The following VPS13B variants were observed in gnomAD, a reference collection of about 807,000 sequenced individuals.
VPS13B encodes the protein vacuolar protein sorting 13 homolog B.
Under a neutral mutation model 426.4 loss-of-function variants are expected in VPS13B, and 285 were observed. The observed-to-expected ratio is 0.67, with a 90% CI of 0.61 to 0.74. The LOEUF (loss-of-function observed/expected upper bound fraction) is 0.74. VPS13B is among the 30% of genes least tolerant of loss of function. The pLI, the probability that VPS13B is intolerant of heterozygous loss-of-function variation, is 0.00. For missense variants in VPS13B, 4,537 were observed against 4,782.6 expected, an observed-to-expected ratio of 0.95 and a Z score of 1.51; for synonymous variants, 1,676 against 1,676.4, an observed-to-expected ratio of 1.00 and a Z score of 0.01.
chr8:99,389,581 A>G (rs994178553), intron 20 of VPS13B: 1 of 152,310 alleles, frequency 6.6e-6, no homozygotes, highest in Admixed American at 6.5e-5. Flanking sequence ...TATTAAGAAA[A>G]CCATAAGGAA....
chr8:99,179,577 C>T (rs1261345059), intron 16 of VPS13B, among the ~76,000 whole-genome samples: 1 of 152,216 alleles, frequency 6.6e-6, no homozygotes, highest in East Asian at 1.9e-4. Context: ...CTTTTTCTGA[C>T]CTGGTCACTT....
chr8:99,695,721 C>A (rs1588631505), intron 35 of VPS13B, among the ~76,000 whole-genome samples: 4 of 144,420 alleles, frequency 2.8e-5, no homozygotes, highest in African/African-American at 7.7e-5. Flanking sequence ...AACTCCATAC[C>A]AAGAAAAAAA....
At chr8:99,839,578 T>G (rs982863634) in intron 54 of VPS13B, among the ~76,000 whole-genome samples, 1 of 152,232 alleles carries the variant, frequency 6.6e-6, no homozygotes, top group Non-Finnish European at 1.5e-5. Context: ...GACTTGCAAC[T>G]AAGCAGGAGC....
At chr8:99,632,382 T>G (rs1238089902) in intron 33 of VPS13B, among the ~76,000 whole-genome samples, 2 of 151,990 alleles carry the variant, frequency 1.3e-5, no homozygotes, top group Non-Finnish European at 2.9e-5. Flanking sequence ...ATATCCAAGC[T>G]TAATGTATAC....
chr8:99,450,241 A>G (rs1482383589), intron 23 of VPS13B, among the ~76,000 whole-genome samples: 2 of 152,200 alleles, frequency 1.3e-5, no homozygotes, highest in Non-Finnish European at 2.9e-5. Flanking sequence ...ATGTATATAT[A>G]CCTTGATATT....
chr8:99,458,232 G>A (rs374633816), intron 23 of VPS13B, among the ~76,000 whole-genome samples: 19 of 151,968 alleles, frequency 1.3e-4, no homozygotes, highest in South Asian at 2.1e-4. Flanking sequence ...CCATGTCCCT[G>A]CAAAGGACAT....
intron 16 of VPS13B, among the ~76,000 whole-genome samples, chr8:99,173,357 G>T (rs1176825696): frequency 6.6e-6 from 1 of 152,056 alleles, no homozygotes; most frequent in Non-Finnish European, 1.5e-5. Context: ...TGACACCAGG[G>T]TAAATTCTTT....
At chr8:99,859,243 A>C (rs1310782539) in intron 56 of VPS13B, 61 bp from the exon 57 acceptor site, 1 of 1,603,124 alleles carries the variant, frequency 6.2e-7, no homozygotes, top group African/African-American at 1.3e-5. Flanking sequence ...TCACTTTTTC[A>C]CAAATGTTGA....
chr8:99,825,677 T>C (rs981108317), intron 51 of VPS13B, among the ~76,000 whole-genome samples: 6 of 152,228 alleles, frequency 3.9e-5, no homozygotes, highest in Non-Finnish European at 8.8e-5. Context: ...TTGCCTAGGT[T>C]TTCTTCTAGG....
chr8:99,722,222 A>G (rs1563882266), intron 39 of VPS13B, among the ~76,000 whole-genome samples: 1 of 152,162 alleles, frequency 6.6e-6, no homozygotes, highest in Non-Finnish European at 1.5e-5. Flanking sequence ...CAAATGTCAT[A>G]TCCTGACTAG....
At chr8:99,252,575 G>C (rs1817556310) in intron 17 of VPS13B, among the ~76,000 whole-genome samples, 1 of 151,964 alleles carries the variant, frequency 6.6e-6, no homozygotes, top group Admixed American at 6.6e-5. Flanking sequence ...TAACATTGTT[G>C]ATATCCTTGC....
At chr8:99,285,394 CT>C (rs904459414) in intron 19 of VPS13B, among the ~76,000 whole-genome samples, 23 of 152,102 alleles carry the variant, frequency 1.5e-4, no homozygotes, top group African/African-American at 5.6e-4. Context: ...CATTTTATTA[CT>C]GCTTGTATAG....
At chr8:99,112,902 C>T (rs578082414) in intron 6 of VPS13B, among the ~76,000 whole-genome samples, 26 of 151,924 alleles carry the variant, frequency 1.7e-4, no homozygotes, top group Non-Finnish European at 3.4e-4. Flanking sequence ...TGAAAAAGTC[C>T]CTTATCATAA....
At chr8:99,832,733 G>A in intron 52 of VPS13B, 81 bp downstream of exon 52, 1 of 1,432,008 alleles carries the variant, frequency 7.0e-7, no homozygotes, top group Non-Finnish European at 9.8e-7. Context: ...GAGATACAAT[G>A]GTCGCAGGGC....
At chr8:99,192,308 A>G (rs1348528538) in intron 16 of VPS13B, among the ~76,000 whole-genome samples, 1 of 152,240 alleles carries the variant, frequency 6.6e-6, no homozygotes, top group African/African-American at 2.4e-5. Flanking sequence ...TAAATACTTC[A>G]TAAATACTTC....
intron 14 of VPS13B, 64 bp from the exon 15 acceptor site, chr8:99,156,485 A>C: frequency 1.3e-6 from 2 of 1,512,628 alleles, no homozygotes; most frequent in Non-Finnish European, 1.8e-6. Context: ...GCTTGCATAG[A>C]GGGAACTGCA....
chr8:99,263,622 G>C (rs1218256009), intron 17 of VPS13B, among the ~76,000 whole-genome samples: 1 of 152,108 alleles, frequency 6.6e-6, no homozygotes, highest in Non-Finnish European at 1.5e-5. Context: ...ATTTCCGTGA[G>C]TGTGCATCTG....
At chr8:99,046,494 A>C (rs1843247665) in intron 3 of VPS13B, among the ~76,000 whole-genome samples, 1 of 152,134 alleles carries the variant, frequency 6.6e-6, no homozygotes, top group South Asian at 2.1e-4. Flanking sequence ...TCATCAACAA[A>C]CAGTGACAGT....
At chr8:99,772,658 G>A (rs2130649305) in intron 40 of VPS13B, among the ~76,000 whole-genome samples, 1 of 152,282 alleles carries the variant, frequency 6.6e-6, no homozygotes, top group Admixed American at 6.5e-5. Flanking sequence ...ATAGAAAATA[G>A]TATGCATCAT....
Sources: gnomAD v4.1 joint callset for allele counts (sites outside exome capture counted in the v4.1 genomes callset) on GRCh38, gnomAD v4.1.1 for gene constraint, MANE v1.5 for transcripts, NCBI Gene and HGNC (gene_info 2026-07-23, HGNC 2026-07-21) for gene names.